Variants in TPTE observed in about 807,000 individuals in gnomAD.
TPTE encodes the protein putative tyrosine-protein phosphatase TPTE.
A neutral mutation model predicts 84.1 loss-of-function variants in TPTE; 59 were observed. The observed-to-expected ratio is 0.70, with a 90% CI of 0.57 to 0.87. TPTE has a LOEUF of 0.87. TPTE is among the 40% of genes least tolerant of loss of function. The pLI is 0.00. For missense variants in TPTE, 382 were observed against 659.6 expected (o/e 0.58, Z 4.61); for synonymous variants, 130 against 223.5 (o/e 0.58, Z 3.73).
At chr21:10,553,514 G>A (rs990562284) in intron 8 of TPTE, among the ~76,000 whole-genome samples, 2 of 152,306 alleles carry the variant, frequency 1.3e-5, no homozygotes, top group Non-Finnish European at 2.9e-5. Context: ...TACGTTTTCT[G>A]TAATGGAGCT....
At chr21:10,542,125 T>C (rs1340666612) in intron 5 of TPTE, among the ~76,000 whole-genome samples, 8 of 152,306 alleles carry the variant, frequency 5.3e-5, no homozygotes, top group African/African-American at 1.9e-4. Context: ...CACCACAAAG[T>C]CTGTCACACA....
intron 7 of TPTE, among the ~76,000 whole-genome samples, chr21:10,544,306 A>G (rs1346574840): frequency 1.3e-3 from 198 of 152,316 alleles, no homozygotes; most frequent in African/African-American, 4.7e-3. Flanking sequence ...TGTAGTATTG[A>G]TTTTTAAGCC....
chr21:10,558,725 C>A (rs1353850562), intron 8 of TPTE, among the ~76,000 whole-genome samples: 32 of 151,610 alleles, frequency 2.1e-4, no homozygotes, highest in Non-Finnish European at 2.2e-4. Flanking sequence ...CAGAAACTTC[C>A]TGAAGTCTTC....
chr21:10,525,812 G>C (rs1464524702), intron 2 of TPTE, among the ~76,000 whole-genome samples: 1 of 152,310 alleles, frequency 6.6e-6, no homozygotes, highest in Non-Finnish European at 1.5e-5. Context: ...TATTATTTCA[G>C]ACTTCATGCA....
At chr21:10,521,909 C>T (rs2073984119) in intron 1 of TPTE, among the ~76,000 whole-genome samples, 2 of 152,122 alleles carry the variant, frequency 1.3e-5, no homozygotes, top group Non-Finnish European at 2.9e-5. Flanking sequence ...GCGACGCCTC[C>T]CTCCCTCCCT....
Position 10,540,568 on chromosome 21 carries a change from A to G in TPTE, c.12-544A>G, listed in dbSNP as rs979235343. Among the ~76,000 whole-genome samples, 7 of 152,426 alleles carry G rather than the reference A, an allele frequency of 4.6e-5. No individual in the cohort carries two copies. The South Asian group carries it at 6.2e-4, about 14-fold the overall frequency. On this transcript the variant is annotated intron_variant, in intron 4 of 23. Transcript: ENST00000618007. Reference sequence around the variant, plus strand: ...CAAAGATCAGAGAAATCCCAGCCAAAACAAAGAACAGAGCTAATAACCCTG... The same window carrying G: ...CAAAGATCAGAGAAATCCCAGCCAAGACAAAGAACAGAGCTAATAACCCTG...
At chr21:10,594,070 T>C (rs1396534567) in intron 19 of TPTE, among the ~76,000 whole-genome samples, 1 of 152,310 alleles carries the variant, frequency 6.6e-6, no homozygotes, top group African/African-American at 2.4e-5. Context: ...AAATCCATAC[T>C]ATGTCCCCAC....
chr21:10,562,423 G>A (rs2074826929), intron 10 of TPTE, among the ~76,000 whole-genome samples: 1 of 152,294 alleles, frequency 6.6e-6, no homozygotes, highest in African/African-American at 2.4e-5. Flanking sequence ...TAAGACACCA[G>A]GGGCCAATCC....
chr21:10,550,642 A>G (rs1004496720), intron 7 of TPTE, among the ~76,000 whole-genome samples: 6 of 152,422 alleles, frequency 3.9e-5, no homozygotes, highest in East Asian at 1.9e-4. Flanking sequence ...CCCCATTACA[A>G]TAAGAGTTGG....
intron 17 of TPTE, among the ~76,000 whole-genome samples, chr21:10,583,063 C>T (rs2075298627): frequency 6.6e-6 from 1 of 152,312 alleles, no homozygotes; most frequent in African/African-American, 2.4e-5. Flanking sequence ...ATACACGTTT[C>T]TTGTTGCACA....
At chr21:10,567,107 T>TTA (rs1217410654) in intron 10 of TPTE, among the ~76,000 whole-genome samples, 4 of 124,352 alleles carry the variant, frequency 3.2e-5, no homozygotes, top group African/African-American at 1.1e-4. Flanking sequence ...TATGGGGCTC[T>TTA]AAAAAAAAAA....
intron 3 of TPTE, among the ~76,000 whole-genome samples, chr21:10,534,454 T>C (rs1405660881): frequency 1.3e-4 from 20 of 152,304 alleles, no homozygotes; most frequent in Admixed American, 8.5e-4. Flanking sequence ...TTGTTTGTTT[T>C]GTTTTTTTTA....
At chr21:10,575,581 G>A (rs2075133649) in intron 14 of TPTE, among the ~76,000 whole-genome samples, 2 of 152,312 alleles carry the variant, frequency 1.3e-5, no homozygotes, top group Admixed American at 1.3e-4. Context: ...GCCCAACAGG[G>A]GTCTCCAGCC....
intron 1 of TPTE, among the ~76,000 whole-genome samples, chr21:10,524,200 C>G (rs2074039035): frequency 6.6e-6 from 1 of 152,312 alleles, no homozygotes; most frequent in Admixed American, 6.5e-5. Flanking sequence ...CCTCTGCCCT[C>G]TCTGTTGGCT....
intron 3 of TPTE, among the ~76,000 whole-genome samples, chr21:10,527,852 G>C (rs147973176): frequency 2.1e-4 from 11 of 51,422 alleles, no homozygotes; most frequent in African/African-American, 5.2e-4. Context: ...CCTATTTGAG[G>C]AGAAGCAAAG....
intron 19 of TPTE, among the ~76,000 whole-genome samples, chr21:10,593,536 C>G (rs1341026856): frequency 6.6e-6 from 1 of 152,302 alleles, no homozygotes; most frequent in Non-Finnish European, 1.5e-5. Flanking sequence ...GATGTTTATC[C>G]TATAGCATTT....
intron 3 of TPTE, among the ~76,000 whole-genome samples, chr21:10,537,076 C>A (rs1441412832): frequency 6.6e-6 from 1 of 152,306 alleles, no homozygotes; most frequent in African/African-American, 2.4e-5. Flanking sequence ...AGAGAAGACA[C>A]CTATAATGGC....
chr21:10,555,317 C>T (rs1375909463), intron 8 of TPTE, among the ~76,000 whole-genome samples: 1 of 152,304 alleles, frequency 6.6e-6, no homozygotes, highest in Non-Finnish European at 1.5e-5. Context: ...AGCGATTCTC[C>T]TGCCTCAGCC....
intron 14 of TPTE, among the ~76,000 whole-genome samples, chr21:10,575,141 CTG>C (rs1310063722): frequency 1.3e-5 from 2 of 152,312 alleles, no homozygotes; most frequent in Admixed American, 1.3e-4. Flanking sequence ...GCCAGCATCA[CTG>C]TGGTTCATAG....
Sources: allele counts gnomAD v4.1 joint callset (sites outside exome capture counted in the v4.1 genomes callset), GRCh38; gene constraint gnomAD v4.1.1; transcripts MANE v1.5; gene names NCBI Gene and HGNC (gene_info 2026-07-23, HGNC 2026-07-21).